Variants in SAMMSON observed in about 807,000 individuals in gnomAD.
The protein encoded by SAMMSON is long intergenic non-protein coding RNA 1212.
chr3:70,394,556 A>G (rs549886557), downstream of SAMMSON, among the ~76,000 whole-genome samples: 55 of 152,262 alleles, frequency 3.6e-4, no homozygotes, highest in African/African-American at 1.3e-3. Context: ...TCTTGAATAT[A>G]CACTGAGCTG....
rs546974549 is a variant in SAMMSON, at chr3:70,347,547, C to T, written n.740-6628C>T. ...TGTAGCTTCAGACCTAATTTTTCTGCTCCTCTCATCACACACTAGAATGTG... is the reference window on the plus strand; with the variant it reads ...TGTAGCTTCAGACCTAATTTTTCTGTTCCTCTCATCACACACTAGAATGTG... On this transcript the variant is annotated intron_variant and non_coding_transcript_variant, in intron 7 of 9. Coordinates refer to ENST00000642114, the Ensembl canonical transcript of SAMMSON. Among the ~76,000 whole-genome samples the T allele has an allele frequency of 1.4e-3, 215 of 152,264 alleles. 1 individual carries two copies. Among genetic ancestry groups the T allele is most frequent in the African/African-American group, 5.0e-3 (209 of 41,564 alleles).
chr3:70,046,871 C>T (rs531958275), intron 3 of SAMMSON, among the ~76,000 whole-genome samples: 12 of 152,164 alleles, frequency 7.9e-5, no homozygotes, highest in African/African-American at 2.9e-4. Context: ...CCTGTTCATC[C>T]CTCTGGCTCC....
At chr3:70,288,074 T>A (rs1248428513) in intron 6 of SAMMSON, among the ~76,000 whole-genome samples, 3 of 149,686 alleles carry the variant, frequency 2.0e-5, no homozygotes, top group South Asian at 2.1e-4. Context: ...TCTGCTCTGA[T>A]TTTAGTTAGT....
intron 3 of SAMMSON, among the ~76,000 whole-genome samples, chr3:70,024,356 G>A (rs1346955919): frequency 6.6e-6 from 1 of 152,004 alleles, no homozygotes; most frequent in East Asian, 1.9e-4. Flanking sequence ...TAAACATTAG[G>A]CAGACATATA....
chr3:70,204,953 A>G (rs527631992), intron 4 of SAMMSON: 2 of 152,180 alleles, frequency 1.3e-5, no homozygotes, highest in Admixed American at 1.3e-4. Context: ...TGTAGCATCA[A>G]GATGCTTTTG....
At chr3:70,339,573 C>T (rs146532276) in intron 7 of SAMMSON, among the ~76,000 whole-genome samples, 2,012 of 152,134 alleles carry the variant, frequency 0.013, 29 homozygotes, top group African/African-American at 0.045. Context: ...ATCAAACAAC[C>T]CCATCAGCAA....
intron 4 of SAMMSON, among the ~76,000 whole-genome samples, chr3:70,215,240 G>T (rs954748801): frequency 6.6e-6 from 1 of 152,040 alleles, no homozygotes; most frequent in Non-Finnish European, 1.5e-5. Context: ...GATTTTAGTG[G>T]TTTGCCCAAG....
At chr3:70,159,814 C>T (rs1473699171) in intron 4 of SAMMSON, among the ~76,000 whole-genome samples, 1 of 152,048 alleles carries the variant, frequency 6.6e-6, no homozygotes, top group Non-Finnish European at 1.5e-5. Context: ...GCCTCGGCCT[C>T]CCAAAGTGCT....
At chr3:70,421,264 C>T (rs527558124) in intron 2 of SAMMSON, among the ~76,000 whole-genome samples, 2 of 152,162 alleles carry the variant, frequency 1.3e-5, no homozygotes, top group African/African-American at 4.8e-5. Flanking sequence ...GCTGCATATG[C>T]TGAAATTTAA....
At chr3:70,324,466 A>AAC (rs3050205) in intron 7 of SAMMSON, among the ~76,000 whole-genome samples, 112,287 of 151,768 alleles carry the variant, frequency 0.74, 41,922 homozygotes, top group Middle Eastern at 0.79. Context: ...ATATTTGAGA[A>AAC]ACTGAAATCA....
chr3:70,068,819 C>T (rs2107594024), intron 3 of SAMMSON: 1 of 152,200 alleles, frequency 6.6e-6, no homozygotes, highest in Middle Eastern at 3.4e-3. Flanking sequence ...ATATCCCAGT[C>T]TTCTAAATGA....
intron 7 of SAMMSON, among the ~76,000 whole-genome samples, chr3:70,328,539 A>T (rs1013559927): frequency 5.3e-5 from 8 of 152,302 alleles, no homozygotes; most frequent in African/African-American, 1.9e-4. Context: ...AACAAAAATG[A>T]GTTGGATAAG....
intron 3 of SAMMSON, among the ~76,000 whole-genome samples, chr3:70,015,537 T>C (rs185301043): frequency 3.7e-4 from 57 of 152,262 alleles, no homozygotes; most frequent in Admixed American, 2.1e-3. Flanking sequence ...TGACATTTCC[T>C]GTCATCAGGT....
intron 6 of SAMMSON, among the ~76,000 whole-genome samples, chr3:70,258,028 A>G (rs1366991585): frequency 6.6e-6 from 1 of 152,190 alleles, no homozygotes; most frequent in Non-Finnish European, 1.5e-5. Flanking sequence ...TAAATGGGGG[A>G]AATGGAGAGT....
chr3:70,119,716 GA>G (rs1157565157), intron 4 of SAMMSON, among the ~76,000 whole-genome samples: 2 of 152,018 alleles, frequency 1.3e-5, no homozygotes, highest in African/African-American at 4.8e-5. Context: ...CTCATAGTGA[GA>G]AAAAATGTTT....
chr3:70,224,289 C>A (rs1454215416), intron 4 of SAMMSON, among the ~76,000 whole-genome samples: 2 of 152,204 alleles, frequency 1.3e-5, no homozygotes, highest in Non-Finnish European at 2.9e-5. Context: ...GTCCTCCAAG[C>A]ACACTGCAAT....
intron 6 of SAMMSON, among the ~76,000 whole-genome samples, chr3:70,270,503 C>A (rs1014878400): frequency 6.6e-6 from 1 of 152,080 alleles, no homozygotes; most frequent in African/African-American, 2.4e-5. Context: ...TACTGGGGTA[C>A]TTTAATTACT....
chr3:70,104,976 G>T (rs1360406400), intron 4 of SAMMSON, among the ~76,000 whole-genome samples: 1 of 152,024 alleles, frequency 6.6e-6, no homozygotes, highest in Non-Finnish European at 1.5e-5. Context: ...TGTGAATTTG[G>T]GGGGAAAGCA....
intron 4 of SAMMSON, among the ~76,000 whole-genome samples, chr3:70,198,120 T>G (rs1460121590): frequency 6.6e-6 from 1 of 152,176 alleles, no homozygotes; most frequent in African/African-American, 2.4e-5. Flanking sequence ...AAAGGGTAGG[T>G]AAGTGTTCAT....
Sources: gnomAD v4.1 joint callset for allele counts (sites outside exome capture counted in the v4.1 genomes callset) on GRCh38, gnomAD v4.1.1 for gene constraint, MANE v1.5 for transcripts, NCBI Gene and HGNC (gene_info 2026-07-23, HGNC 2026-07-21) for gene names.